MYO5A: variants seen among roughly 807,000 people sequenced by gnomAD.
MYO5A encodes unconventional myosin-Va.
In MYO5A, 98 loss-of-function variants were observed where a neutral mutation model predicts 249.7. That is an observed-to-expected ratio of 0.39 (90% confidence interval 0.33 to 0.46). The LOEUF is 0.46. Ranked by LOEUF, MYO5A falls within the 20% of genes least tolerant of loss-of-function variation. The pLI, the probability that MYO5A is intolerant of heterozygous loss-of-function variation, is 0.98. For synonymous variants in MYO5A, 778 were observed against 810.6 expected (o/e 0.96, Z 0.68); for missense variants, 1,696 against 2,308.8 (o/e 0.73, Z 5.44).
At position 52,337,865 on chromosome 15, in the gene MYO5A, GCATATAATTCCT is replaced by G. The variant is rs2039191317; in HGVS notation, c.4247_4258del (p.Glu1416_Tyr1419del). The stretch of plus-strand genomic sequence containing the variant: ...TGATTGATACTTCTTAGGGTCATCT[GCATATAATTCCT>G]CAAAATACTGAAAAAACAGGCACAA... On this transcript the variant is annotated inframe_deletion, in exon 33 of 42. Transcript: ENST00000399233. 1 of 1,543,698 alleles carries G rather than the reference GCATATAATTCCT, an allele frequency of 6.5e-7. No individual in the cohort carries two copies. Among genetic ancestry groups the G allele is most frequent in the South Asian group, 1.2e-5 (1 of 83,170 alleles).
chr15:52,423,059 G>A (rs1327417663), intron 4 of MYO5A, among the ~76,000 whole-genome samples: 2 of 152,168 alleles, frequency 1.3e-5, no homozygotes, highest in African/African-American at 4.8e-5. Context: ...ACTTCGTGGG[G>A]TAGGAATTCC....
intron 2 of MYO5A, among the ~76,000 whole-genome samples, chr15:52,431,130 G>T (rs1367659383): frequency 1.4e-5 from 2 of 144,046 alleles, no homozygotes; most frequent in African/African-American, 5.1e-5. Flanking sequence ...TACTCAGGAA[G>T]CTGAGGCACA....
intron 1 of MYO5A, among the ~76,000 whole-genome samples, chr15:52,520,039 T>C (rs2077584768): frequency 2.0e-5 from 3 of 152,100 alleles, no homozygotes; most frequent in Non-Finnish European, 4.4e-5. Context: ...CTGGCTTCTA[T>C]TTTTCAATCC....
At position 52,309,645 on chromosome 15, in the gene MYO5A, C is replaced by T. The variant is rs1423304780; in HGVS notation, c.*4051G>A. 6.6e-6 allele frequency: 1 copy of T among 152,240 alleles called. No individual in the cohort carries two copies. Among genetic ancestry groups the T allele is most frequent in the Non-Finnish European group, 1.5e-5 (1 of 68,082 alleles). The allele number at this position is 152,240 out of a possible 1,614,324, so 9.4% of individuals were successfully genotyped here. A position where few individuals can be genotyped will look rare whatever the true frequency, so the allele number is the denominator to read the frequency against. On this transcript the variant is annotated 3_prime_UTR_variant, in exon 42 of 42. Coordinates refer to ENST00000399233, the MANE Select transcript of MYO5A (RefSeq NM_001382347.1). ...TTGTAGAAGCGACCCCACCTACCGT[C>T]CATGCTGCTGTGAGGATGAAACGAG...
chr15:52,459,146 A>AT (rs199923318), intron 1 of MYO5A, among the ~76,000 whole-genome samples: 29 of 49,098 alleles, frequency 5.9e-4, no homozygotes, highest in Admixed American at 7.9e-4. Context: ...ATTTTCCAGA[A>AT]ATTTTTTTTT....
At chr15:52,458,763 T>TAAAAACA (rs10678659) in intron 1 of MYO5A, among the ~76,000 whole-genome samples, 137,583 of 151,336 alleles carry the variant, frequency 0.91, 64,030 homozygotes, top group East Asian at 1. Flanking sequence ...TAAATAAATA[T>TAAAAACA]AAAAACAAAA....
chr15:52,452,537 A>G (rs1328878641), intron 1 of MYO5A, among the ~76,000 whole-genome samples: 1 of 152,182 alleles, frequency 6.6e-6, no homozygotes, highest in African/African-American at 2.4e-5. Flanking sequence ...CCGCTCTTAA[A>G]CTCAGAGGAG....
chr15:52,358,918 T>C (rs1234467301), intron 25 of MYO5A, among the ~76,000 whole-genome samples: 2 of 152,170 alleles, frequency 1.3e-5, no homozygotes, highest in African/African-American at 2.4e-5. Context: ...TAGCTATAGA[T>C]AGAAAAGGGA....
intron 9 of MYO5A, among the ~76,000 whole-genome samples, chr15:52,400,483 T>C (rs986006478): frequency 6.6e-6 from 1 of 152,226 alleles, no homozygotes; most frequent in Non-Finnish European, 1.5e-5. Flanking sequence ...GGCCTAACAG[T>C]GCTCTCTACA....
intron 1 of MYO5A, among the ~76,000 whole-genome samples, chr15:52,449,946 G>A (rs1443359617): frequency 6.6e-6 from 1 of 152,090 alleles, no homozygotes; most frequent in Non-Finnish European, 1.5e-5. Flanking sequence ...AGGCTGCAGT[G>A]AGCCAAGATC....
At chr15:52,436,029 TGCCTCA>T (rs2075655773) in intron 1 of MYO5A, among the ~76,000 whole-genome samples, 1 of 152,348 alleles carries the variant, frequency 6.6e-6, no homozygotes, top group South Asian at 2.1e-4. Flanking sequence ...GCGATTCTCC[TGCCTCA>T]GCCTCCCAAG....
intron 1 of MYO5A, among the ~76,000 whole-genome samples, chr15:52,515,005 T>C (rs1434369948): frequency 2.0e-5 from 3 of 152,146 alleles, no homozygotes; most frequent in South Asian, 2.1e-4. Flanking sequence ...AAGCTGAGTA[T>C]GGTGGCTCAC....
intron 1 of MYO5A, among the ~76,000 whole-genome samples, chr15:52,493,983 G>C (rs759505396): frequency 3.9e-5 from 6 of 152,238 alleles, no homozygotes; most frequent in Non-Finnish European, 8.8e-5. Flanking sequence ...AAAAGCCCAA[G>C]AGCAAACTAC....
At chr15:52,427,475 G>A (rs112154225) in intron 3 of MYO5A, among the ~76,000 whole-genome samples, 138 of 152,144 alleles carry the variant, frequency 9.1e-4, no homozygotes, top group African/African-American at 3.1e-3. Context: ...TTGATAGGGT[G>A]GCTAGACAAG....
rs1473446869 is a variant in MYO5A at position 52,376,668 on chromosome 15, AC to A, written c.2209-111del. The A allele has an allele frequency of 4.8e-6, 5 of 1,031,590 alleles. No homozygotes were observed. In the East Asian group the frequency reaches 1.3e-4, roughly 27 times the overall value. 63.9% of individuals were successfully genotyped at this position (1,031,590 alleles called of 1,614,324 possible). ...TAAAGGAATGACTCTATTAGCTAAAACTTGGGCTACATCACAATTAACTAAT... is the reference window on the plus strand; with the variant it reads ...TAAAGGAATGACTCTATTAGCTAAAATTGGGCTACATCACAATTAACTAAT... On this transcript the variant is annotated intron_variant, in intron 18 of 41. Coordinates refer to ENST00000399233, the MANE Select transcript of MYO5A (RefSeq NM_001382347.1).
intron 1 of MYO5A, among the ~76,000 whole-genome samples, chr15:52,447,037 C>T (rs775746821): frequency 8.6e-5 from 13 of 151,938 alleles, no homozygotes; most frequent in African/African-American, 2.9e-4. Flanking sequence ...GGGGGACTGT[C>T]GGGAAGGTGT....
At chr15:52,507,117 G>T (rs1211396048) in intron 1 of MYO5A, among the ~76,000 whole-genome samples, 1 of 152,134 alleles carries the variant, frequency 6.6e-6, no homozygotes, top group East Asian at 1.9e-4. Flanking sequence ...GGCCCTAACT[G>T]CAAGGGAAGT....
chr15:52,421,182 G>A (rs2043771979), intron 4 of MYO5A, among the ~76,000 whole-genome samples: 1 of 152,190 alleles, frequency 6.6e-6, no homozygotes, highest in African/African-American at 2.4e-5. Flanking sequence ...CTGAGTTTCA[G>A]CTGAAACAGA....
chr15:52,451,686 A>T (rs1487229803), intron 1 of MYO5A, among the ~76,000 whole-genome samples: 1 of 152,182 alleles, frequency 6.6e-6, no homozygotes, highest in Non-Finnish European at 1.5e-5. Flanking sequence ...TGCTAGATCA[A>T]GCCTCGAGAT....
Sources: gnomAD v4.1 joint callset for allele counts (sites outside exome capture counted in the v4.1 genomes callset) on GRCh38, gnomAD v4.1.1 for gene constraint, MANE v1.5 for transcripts, NCBI Gene and HGNC (gene_info 2026-07-23, HGNC 2026-07-21) for gene names.